The following AGAP1 variants were observed in gnomAD, a reference collection of about 807,000 sequenced individuals.
The protein encoded by AGAP1 is ArfGAP with GTPase domain, ankyrin repeat and PH domain 1.
In AGAP1, 29 loss-of-function variants were observed where a neutral mutation model predicts 105.3. The ratio of observed to expected loss-of-function variants is 0.28; its 90% CI spans 0.21 to 0.38. The LOEUF (loss-of-function observed/expected upper bound fraction) is 0.38. Ranked by LOEUF, AGAP1 falls within the 10% of genes least tolerant of loss-of-function variation. The pLI, the probability that AGAP1 is intolerant of heterozygous loss-of-function variation, is 1.00. For synonymous variants in AGAP1, 509 were observed against 485.9 expected, an observed-to-expected ratio of 1.05 and a Z score of -0.63; for missense variants, 998 against 1,165.1, an observed-to-expected ratio of 0.86 and a Z score of 2.09.
At chr2:235,911,634 C>A (rs371022860) in intron 11 of AGAP1, among the ~76,000 whole-genome samples, 1 of 152,210 alleles carries the variant, frequency 6.6e-6, no homozygotes, top group Non-Finnish European at 1.5e-5. Context: ...CTGATGGAGT[C>A]GGCTGTGGCA....
intron 9 of AGAP1, among the ~76,000 whole-genome samples, chr2:235,871,537 A>G (rs2049440258): frequency 6.6e-6 from 1 of 152,218 alleles, no homozygotes; most frequent in African/African-American, 2.4e-5. Context: ...CATGCTTCTT[A>G]CATCTCTGCC....
rs544579955 is a variant in AGAP1, at chr2:235,814,677, A to G, written c.1050+7346A>G. Among the ~76,000 whole-genome samples the G allele has an allele frequency of 4.6e-5, 7 of 151,572 alleles. No homozygotes were observed. The South Asian group carries it at 1.5e-3, about 32-fold the overall frequency. On this transcript the variant is annotated intron_variant, in intron 9 of 17. Transcript: ENST00000304032. ...GGAGTGGTGAATTCTACTGAGTTAG[A>G]CAGGAGAGGGTGAGGGAAGGACAGG...
Position 235,919,245 on chromosome 2 carries a change from G to A in AGAP1, c.1324+10339G>A, listed in dbSNP as rs2052051809. ...GGGAAAGGGCTTCTGGTTCTTCCAG[G>A]CTAGAGTTGAGTCCGTGGCTTCCCT... On this transcript the variant is annotated intron_variant, in intron 11 of 17. Coordinates refer to ENST00000304032, the MANE Select transcript of AGAP1 (RefSeq NM_001037131.3). The surrounding 1 kb of genome is among the most constrained non-coding windows in gnomAD (Gnocchi z 4.1). Among the ~76,000 whole-genome samples, 1 of 152,200 alleles carries A rather than the reference G, an allele frequency of 6.6e-6. No homozygotes were observed. Among genetic ancestry groups the A allele is most frequent in the South Asian group, 2.1e-4 (1 of 4,834 alleles).
At position 236,040,795 on chromosome 2, in the gene AGAP1, C is replaced by A; in HGVS notation, c.1845C>A (p.Ile615=). 2 of 1,614,002 alleles carry A rather than the reference C, an allele frequency of 1.2e-6. No homozygotes were observed. The highest frequency in any genetic ancestry group is 1.7e-6 in the Non-Finnish European group (2 of 1,180,036). ...GCGAGGCCATGGCCCTGCAGTCGAT[C>A]CGGAACATGCGCGGGAACTCCCACT... ...SQSEAMALQS[I]RNMRGNSHCV... The change falls in exon 15 of 18, where the codon ATC becomes ATA. Residue 615 remains isoleucine, a synonymous_variant. Transcript: ENST00000304032. The surrounding 1 kb of genome is among the most constrained non-coding windows in gnomAD (Gnocchi z 5.6).
rs545049867 is a variant in AGAP1, at chr2:235,979,652, G to A, written c.1645+11029G>A. Among the ~76,000 whole-genome samples the A allele has an allele frequency of 2.9e-3, 443 of 152,250 alleles. 1 individual carries two copies. The highest frequency in any genetic ancestry group is 4.8e-3 in the Non-Finnish European group (329 of 68,026). ...TGCACGGACACACAACTTCACAAGG[G>A]CCTCTTGTGCACGTGGGACATGGAG... On this transcript the variant is annotated intron_variant, in intron 13 of 17. Coordinates refer to ENST00000304032, the MANE Select transcript of AGAP1 (RefSeq NM_001037131.3). This position sits in a 1 kb window ranked among gnomAD's most constrained non-coding sequence, Gnocchi z 4.5.
At position 236,104,814 on chromosome 2, in the gene AGAP1, ACCGGGAC is replaced by A. The variant is rs1254984704; in HGVS notation, c.2115-15371_2115-15365del. On this transcript the variant is annotated intron_variant, in intron 16 of 17. Coordinates refer to ENST00000304032, the MANE Select transcript of AGAP1 (RefSeq NM_001037131.3). The surrounding 1 kb of genome is among the most constrained non-coding windows in gnomAD (Gnocchi z 4.7). Reference sequence around the variant, plus strand: ...TGAGGCAGGCAGGAGAATCGCTTGAACCGGGACCCGGGAGGCGGAGGTAGCAGTGAGC... The same window carrying A: ...TGAGGCAGGCAGGAGAATCGCTTGAACCGGGAGGCGGAGGTAGCAGTGAGC... 3.9e-5 allele frequency among the ~76,000 whole-genome samples: 6 copies of A among 151,986 alleles called. No homozygotes were observed. Among genetic ancestry groups the A allele is most frequent in the Non-Finnish European group, 5.9e-5 (4 of 67,960 alleles).
intron 1 of AGAP1, among the ~76,000 whole-genome samples, chr2:235,548,580 G>C (rs1943702053): frequency 6.6e-6 from 1 of 151,432 alleles, no homozygotes; most frequent in South Asian, 2.1e-4. Context: ...TTGAACCCAG[G>C]AGGTGGAGGT....
At chr2:235,604,572 C>CTTTTTTTTTTTTTT (rs1166523228) in intron 1 of AGAP1, among the ~76,000 whole-genome samples, 5 of 69,672 alleles carry the variant, frequency 7.2e-5, no homozygotes, top group African/African-American at 1.3e-4. Context: ...TTTTTATTAT[C>CTTTTTTTTTTTTTT]TTTTTTTTTT....
intron 6 of AGAP1, among the ~76,000 whole-genome samples, chr2:235,780,308 A>G (rs914573219): frequency 1.3e-5 from 2 of 152,002 alleles, no homozygotes; most frequent in African/African-American, 4.8e-5. Flanking sequence ...GATGCAGCAA[A>G]ATATATATAT....
At chr2:236,023,104 G>A (rs2056937619) in intron 13 of AGAP1, among the ~76,000 whole-genome samples, 1 of 152,176 alleles carries the variant, frequency 6.6e-6, no homozygotes, top group Non-Finnish European at 1.5e-5. Context: ...TTAGGGTCAT[G>A]GTAGAGGGAG....
At chr2:235,583,948 C>T (rs114624124) in intron 1 of AGAP1, among the ~76,000 whole-genome samples, 3,133 of 151,892 alleles carry the variant, frequency 0.021, 57 homozygotes, top group South Asian at 0.027. Flanking sequence ...TTAAATGATC[C>T]TCCTGCCTCG....
chr2:235,938,941 C>T (rs1310962654), intron 12 of AGAP1, among the ~76,000 whole-genome samples: 1 of 152,076 alleles, frequency 6.6e-6, no homozygotes, highest in Non-Finnish European at 1.5e-5. Flanking sequence ...AGATCTAGTC[C>T]ATTTGGCCTG....
At chr2:235,910,152 A>C (rs565037873) in intron 11 of AGAP1, among the ~76,000 whole-genome samples, 1 of 118,924 alleles carries the variant, frequency 8.4e-6, no homozygotes, top group South Asian at 2.4e-4. Context: ...CGACACTGGT[A>C]GGTGAGAGCA....
intron 1 of AGAP1, among the ~76,000 whole-genome samples, chr2:235,564,190 A>T (rs1446068731): frequency 2.6e-5 from 4 of 152,112 alleles, no homozygotes; most frequent in Non-Finnish European, 5.9e-5. Flanking sequence ...TCGAATCCTA[A>T]AGTGATCTGG....
At chr2:235,508,512 A>G (rs1941933346) in intron 1 of AGAP1, among the ~76,000 whole-genome samples, 1 of 152,148 alleles carries the variant, frequency 6.6e-6, no homozygotes, top group South Asian at 2.1e-4. Context: ...CTGTTGGTTC[A>G]CTTTTATTCC....
At chr2:235,940,795 C>T (rs1255926213) in intron 12 of AGAP1, among the ~76,000 whole-genome samples, 2 of 152,162 alleles carry the variant, frequency 1.3e-5, no homozygotes, top group African/African-American at 2.4e-5. Context: ...ATTCTAACTC[C>T]ACCACAGAGA....
intron 16 of AGAP1, among the ~76,000 whole-genome samples, chr2:236,063,029 C>G (rs1391529687): frequency 6.6e-6 from 1 of 152,136 alleles, no homozygotes; most frequent in South Asian, 2.1e-4. Flanking sequence ...CTCCAGTGAT[C>G]CTCCTGCCTT....
Position 235,494,122 on chromosome 2 carries a change from G to C in AGAP1, c.-565G>C, listed in dbSNP as rs1422104492. The stretch of plus-strand genomic sequence containing the variant: ...GAGCGGGCTCCGCGGCTTGCAAGGC[G>C]CCTGCGACTCGGTCCCAGGTCGGCG... On this transcript the variant is annotated 5_prime_UTR_variant, in exon 1 of 18. Transcript: ENST00000304032. 1 of 144,656 alleles carries C rather than the reference G, an allele frequency of 6.9e-6. No homozygotes were observed. The highest frequency in any genetic ancestry group is 2.1e-4 in the East Asian group (1 of 4,824). The allele number at this position is 144,656 out of a possible 1,614,324, so 9.0% of individuals were successfully genotyped here.
Position 235,636,115 on chromosome 2 carries a change from GTAAATAAATAAATAAA to G in AGAP1, c.164-73039_164-73024del, listed in dbSNP as rs10587179. Reference sequence around the variant, plus strand: ...GCAACAAGAGCGAGACTCTGTCTCAGTAAATAAATAAATAAATAAATAAATAAATAAATAAATAAAG... The same window carrying G: ...GCAACAAGAGCGAGACTCTGTCTCAGTAAATAAATAAATAAATAAATAAAG... On this transcript the variant is annotated intron_variant, in intron 1 of 17. Transcript: ENST00000304032. 2.9e-3 allele frequency among the ~76,000 whole-genome samples: 420 copies of G among 144,058 alleles called. 1 individual carries two copies. The Middle Eastern group carries it at 0.038, about 13-fold the overall frequency. 94.5% of individuals were successfully genotyped at this position (144,058 alleles called of 152,430 possible).
Sources: gnomAD v4.1 joint callset for allele counts (sites outside exome capture counted in the v4.1 genomes callset) on GRCh38, gnomAD v4.1.1 for gene constraint, Gnocchi (gnomAD v3.1) non-coding constraint, MANE v1.5 for transcripts, NCBI Gene and HGNC (gene_info 2026-07-23, HGNC 2026-07-21) for gene names.